PHLDB1: variants seen among roughly 807,000 people sequenced by gnomAD.
The protein encoded by PHLDB1 is pleckstrin homology like domain family B member 1.
PHLDB1 carries 65 observed loss-of-function variants against 139.3 expected under a neutral mutation model. That is an observed-to-expected ratio of 0.47 (90% CI 0.38 to 0.57). The LOEUF (loss-of-function observed/expected upper bound fraction) is 0.57. Among genes scored for constraint, PHLDB1 ranks in the 20% least tolerant of loss-of-function variants. The pLI is 0.00. For missense variants in PHLDB1, 1,624 were observed against 1,839.7 expected (o/e 0.88, Z 2.14); for synonymous variants, 679 against 734.5 (o/e 0.92, Z 1.22).
In PHLDB1 at chr11:118,632,231, G is replaced by A. The variant is rs199641009; in HGVS notation, c.2314G>A (p.Ala772Thr). 156 of 1,613,938 alleles carry A rather than the reference G, an allele frequency of 9.7e-5. No homozygotes were observed. The highest frequency in any genetic ancestry group is 1.3e-4 in the Non-Finnish European group (148 of 1,180,038). ...GGCACTGCTGCAGAAGGAGCAGAAG[G>A]CAGTGGATCAGCTGCAGGAGAAGCT... is the stretch of plus-strand genomic sequence containing the variant. ...ERALLQKEQK[A>T]VDQLQEKLVA... Residue 772 changes from alanine (A) to threonine (T), a missense_variant, in exon 9 of 23, where the codon GCA becomes ACA. By Grantham distance (58) the Ala-to-Thr change is moderately conservative (BLOSUM62 0). Coordinates refer to ENST00000600882, the MANE Select transcript of PHLDB1 (RefSeq NM_001144758.3). The surrounding 1 kb of genome is among the most constrained non-coding windows in gnomAD (Gnocchi z 5.9).
intron 1 of PHLDB1, among the ~76,000 whole-genome samples, chr11:118,612,472 C>A (rs1565386534): frequency 1.3e-5 from 2 of 152,204 alleles, no homozygotes; most frequent in Non-Finnish European, 2.9e-5. Flanking sequence ...AAATTCTTCT[C>A]CATGGCCAGG....
rs781973410 is a variant in PHLDB1 at position 118,627,551 on chromosome 11, C to T, written c.728C>T (p.Ser243Phe). The stretch of plus-strand genomic sequence containing the variant: ...CCCCCAACCAGCCCCGGCGCCATGT[C>T]TGTGGGCTCCAGCTATGAGAACACC... ...LSPPTSPGAM[S>F]VGSSYENTSP... is the part of the protein sequence containing the mutation. Residue 243 changes from serine (S) to phenylalanine (F), a missense_variant, in exon 6 of 23, where the codon TCT (serine) becomes TTT (phenylalanine). Ser to Phe is a radical substitution (Grantham distance 155, BLOSUM62 -2). Transcript: ENST00000600882. The T allele has an allele frequency of 2.5e-6, 4 of 1,613,852 alleles. No homozygotes were observed. The East Asian group carries it at 8.9e-5, about 36-fold the overall frequency.
At chr11:118,637,898 C>T (rs1227842634) in intron 10 of PHLDB1, 3 of 152,182 alleles carry the variant, frequency 2.0e-5, no homozygotes, top group African/African-American at 7.2e-5. Flanking sequence ...GGTATAAAGA[C>T]AGAAAAGACA....
rs1945009703 is a variant in PHLDB1, at chr11:118,632,822, G to A, written c.2379+526G>A. On this transcript the variant is annotated intron_variant, in intron 9 of 22. Coordinates refer to ENST00000600882, the MANE Select transcript of PHLDB1 (RefSeq NM_001144758.3). The surrounding 1 kb of genome is among the most constrained non-coding windows in gnomAD (Gnocchi z 5.9). ...CCCCTTTCAGATTTCGTGCCAGCCTGCAGGGGCCACTCCCAGATGCCCAAC... is the reference window on the plus strand; with the variant it reads ...CCCCTTTCAGATTTCGTGCCAGCCTACAGGGGCCACTCCCAGATGCCCAAC... The A allele has an allele frequency of 1.0e-6, 1 of 985,098 alleles. No homozygotes were observed. The highest frequency in any genetic ancestry group is 4.7e-5 in the South Asian group (1 of 21,352). 61.0% of individuals were successfully genotyped at this position (985,098 alleles called of 1,614,324 possible).
At position 118,620,109 on chromosome 11, in the gene PHLDB1, AC is replaced by A. The variant is rs1362422035; in HGVS notation, c.355+3899del. On this transcript the variant is annotated intron_variant, in intron 4 of 22. Coordinates refer to ENST00000600882, the MANE Select transcript of PHLDB1 (RefSeq NM_001144758.3). The surrounding 1 kb of genome is among the most constrained non-coding windows in gnomAD (Gnocchi z 4.1). ...CTGTGTGAGCTGCTGAGAGCATAAA[AC>A]ATTGTGTCCCGTAAGGCTCTGGTGT... 2.6e-5 allele frequency among the ~76,000 whole-genome samples: 4 copies of A among 152,198 alleles called. No homozygotes were observed. The highest frequency in any genetic ancestry group is 6.5e-5 in the Admixed American group (1 of 15,282).
At chr11:118,647,074 A>T (rs1022514546) in intron 17 of PHLDB1, 2 of 152,206 alleles carry the variant, frequency 1.3e-5, no homozygotes, top group African/African-American at 4.8e-5. Flanking sequence ...TGACTTCTAA[A>T]ATCCTTTTAT....
intron 1 of PHLDB1, 46 bp downstream of exon 1, chr11:118,607,745 G>A (rs963597624): frequency 6.7e-6 from 1 of 148,570 alleles, no homozygotes; most frequent in East Asian, 2.0e-4. Context: ...CATTCGCTGC[G>A]GTGCTAGGAC....
chr11:118,615,205 A>G (rs1941369578), intron 3 of PHLDB1: 1 of 151,928 alleles, frequency 6.6e-6, no homozygotes, highest in African/African-American at 2.4e-5. Flanking sequence ...AAAAAAAAAA[A>G]AAAAAAAAAA....
intron 11 of PHLDB1, 69 bp downstream of exon 11, chr11:118,639,070 G>A: frequency 6.5e-7 from 1 of 1,548,102 alleles, no homozygotes; most frequent in African/African-American, 1.4e-5. Context: ...AGAAGGACTG[G>A]GGTGTAAATG....
chr11:118,641,243 G>A (rs1445572127), intron 12 of PHLDB1: 1 of 153,416 alleles, frequency 6.5e-6, no homozygotes, highest in Non-Finnish European at 1.5e-5. Flanking sequence ...AGCCACCGAG[G>A]GTGCCCACCA....
At chr11:118,651,886 T>C (rs1475048512) in intron 20 of PHLDB1, 1 of 152,226 alleles carries the variant, frequency 6.6e-6, no homozygotes. Context: ...GGGGCTTTGC[T>C]GTGCATCAGC....
At chr11:118,654,035 G>C (rs1273623533) in intron 20 of PHLDB1, 2 of 152,284 alleles carry the variant, frequency 1.3e-5, no homozygotes, top group Non-Finnish European at 2.9e-5. Flanking sequence ...GGAGGGACAT[G>C]TTGGCAGCAG....
chr11:118,649,459 G>T (rs1307062574), intron 18 of PHLDB1, among the ~76,000 whole-genome samples: 15 of 152,172 alleles, frequency 9.9e-5, no homozygotes, highest in African/African-American at 3.4e-4. Context: ...TGGTGTGGGA[G>T]ATGGGTAGAA....
chr11:118,635,507 C>G lies in PHLDB1; in HGVS notation c.2494C>G (p.Arg832Gly), dbSNP rs150375533. The G allele has an allele frequency of 2.5e-6, 4 of 1,605,368 alleles. No homozygotes were observed. The African/African-American group carries it at 5.4e-5, about 21-fold the overall frequency. ...ERELAGQGLL[R>G]SKAELLRSIA... ...CGAGCTGGCCGGCCAGGGGCTGCTC[C>G]GGAGCAAGGCTGAGCTGCTCCGCAG... The change falls in exon 10 of 23, where the codon CGG becomes GGG. Residue 832 changes from arginine to glycine, a missense_variant. By Grantham distance (125) the Arg-to-Gly change is moderately radical (BLOSUM62 -2). Coordinates refer to ENST00000600882, the MANE Select transcript of PHLDB1 (RefSeq NM_001144758.3).
chr11:118,618,320 C>T (rs1475639966), intron 4 of PHLDB1, among the ~76,000 whole-genome samples: 1 of 152,160 alleles, frequency 6.6e-6, no homozygotes, highest in Non-Finnish European at 1.5e-5. Context: ...CAGTCCTCCC[C>T]CTCCCCTGGG....
intron 12 of PHLDB1, chr11:118,641,767 AT>A: frequency 7.8e-7 from 1 of 1,289,292 alleles, no homozygotes; most frequent in African/African-American, 1.5e-5. Flanking sequence ...GTTCGCTTCC[AT>A]CACGCCTTCA....
At chr11:118,607,329 TGTGGTGGTG>T (rs60326273), upstream of PHLDB1, among the ~76,000 whole-genome samples, 4,037 of 57,316 alleles carry the variant, frequency 0.07, 171 homozygotes, top group African/African-American at 0.11. Flanking sequence ...GAGGGGGATG[TGTGGTGGTG>T]GTGGTGGTGG....
chr11:118,624,663 ATGAT>A (rs1565418094), intron 4 of PHLDB1: 1 of 281,214 alleles, frequency 3.6e-6, no homozygotes, highest in Non-Finnish European at 6.3e-6. Context: ...GTGCAGTGGC[ATGAT>A]CTCAGCTCAC....
At chr11:118,612,769 G>A (rs1940742167) in intron 1 of PHLDB1, among the ~76,000 whole-genome samples, 1 of 152,192 alleles carries the variant, frequency 6.6e-6, no homozygotes, top group African/African-American at 2.4e-5. Flanking sequence ...CAAGTCCCCT[G>A]GTAGATGGCT....
Sources: allele counts gnomAD v4.1 joint callset (sites outside exome capture counted in the v4.1 genomes callset), GRCh38; gene constraint gnomAD v4.1.1; non-coding constraint Gnocchi (gnomAD v3.1); transcripts MANE v1.5; gene names NCBI Gene and HGNC (gene_info 2026-07-23, HGNC 2026-07-21).